ZXDC: variants seen among roughly 807,000 people sequenced by gnomAD.
ZXDC encodes the protein zinc finger protein ZXDC.
In ZXDC, 58 loss-of-function variants were observed where a neutral mutation model predicts 63.6. The observed-to-expected ratio is 0.91, with a 90% CI of 0.74 to 1.13. ZXDC has a LOEUF of 1.13. Among genes scored for constraint, ZXDC ranks in the 50% most tolerant of loss-of-function variants. The probability of loss-of-function intolerance (pLI) is 0.00; values close to 1 mark genes in which losing one functional copy is unlikely to be tolerated. For missense variants in ZXDC, 1,133 were observed against 1,148.9 expected (o/e 0.99, Z 0.20); for synonymous variants, 561 against 496.1 (o/e 1.13, Z -1.74).
rs373990345 is a variant in ZXDC, at chr3:126,475,044, G to C, written c.822C>G (p.Ala274=). 1.3e-4 allele frequency: 201 copies of C among 1,601,098 alleles called. No individual in the cohort carries two copies. Among genetic ancestry groups the C allele is most frequent in the Non-Finnish European group, 1.7e-4 (195 of 1,174,226 alleles). The change falls in exon 1 of 10, where the codon GCC becomes GCG. Residue 274 remains alanine, a synonymous_variant. Coordinates refer to ENST00000389709, the MANE Select transcript of ZXDC (RefSeq NM_025112.5). ...QESLFKCEVC[A]ERFPTHAKLS... ...GCTTGGCGTGCGTGGGGAAGCGCTCGGCGCACACCTCGCACTTGAACAGGC... is the reference window on the plus strand; with the variant it reads ...GCTTGGCGTGCGTGGGGAAGCGCTCCGCGCACACCTCGCACTTGAACAGGC...
At chr3:126,453,851 C>T in intron 7 of ZXDC, 8 of 985,272 alleles carry the variant, frequency 8.1e-6, no homozygotes, top group Non-Finnish European at 8.4e-6. Context: ...AGGCATGAGC[C>T]ACCGCGCCCA....
At chr3:126,454,345 G>A in intron 7 of ZXDC, 2 of 985,004 alleles carry the variant, frequency 2.0e-6, no homozygotes, top group Non-Finnish European at 2.4e-6. Context: ...TCATATAAAT[G>A]TCTATAGGTC....
At chr3:126,439,526 C>A in intron 9 of ZXDC, 106 bp downstream of exon 9, 2 of 1,541,120 alleles carry the variant, frequency 1.3e-6, no homozygotes, top group Admixed American at 2.0e-5. Context: ...GCCTCCCAAG[C>A]CACGCGGCCT....
chr3:126,471,891 A>G (rs1560106093), intron 3 of ZXDC, 82 bp downstream of exon 3: 2 of 1,186,614 alleles, frequency 1.7e-6, no homozygotes, highest in South Asian at 1.5e-5. Context: ...AAATGTCTAC[A>G]GATATTTCAT....
At chr3:126,439,908 C>T (rs1020777742) in intron 8 of ZXDC, 181 bp from the exon 9 acceptor site, 1 of 1,415,006 alleles carries the variant, frequency 7.1e-7, no homozygotes, top group East Asian at 2.7e-5. Context: ...CTACCTGTTC[C>T]CACCTGGTTC....
intron 7 of ZXDC, chr3:126,454,017 C>T: frequency 1.2e-5 from 10 of 805,332 alleles, no homozygotes; most frequent in Non-Finnish European, 1.5e-5. Context: ...ATAAGCAGTA[C>T]TATATATTAT....
Position 126,439,683 on chromosome 3 carries a change from TGGGCCGC to T in ZXDC, c.2432_2438del (p.Arg811GlnfsTer60), listed in dbSNP as rs1560086849. 3 of 1,553,220 alleles carry T rather than the reference TGGGCCGC, an allele frequency of 1.9e-6. No individual in the cohort carries two copies. The highest frequency in any genetic ancestry group is 4.9e-5 in the East Asian group (2 of 41,224). ...CAGTGAGGAAGGGGAGGAAGGTGGC[TGGGCCGC>T]GGGCCGAGGGCAGGACACCTTCGCC... is the stretch of plus-strand genomic sequence containing the variant. On this transcript the variant is annotated frameshift_variant, in exon 9 of 10. Transcript: ENST00000389709. LOFTEE classifies it high-confidence loss of function.
At chr3:126,459,563 C>G in intron 7 of ZXDC, 90 bp downstream of exon 7, 1 of 1,589,120 alleles carries the variant, frequency 6.3e-7, no homozygotes, top group Admixed American at 1.7e-5. Flanking sequence ...ACCAAGAGCA[C>G]AGAAACACCT....
chr3:126,460,332 C>T (rs913103041), intron 6 of ZXDC: 4 of 522,388 alleles, frequency 7.7e-6, no homozygotes, highest in African/African-American at 2.1e-5. Context: ...TAACACTTAT[C>T]GCTATGAAGA....
At chr3:126,461,209 A>G (rs1181743397) in intron 6 of ZXDC, 2 of 1,070,296 alleles carry the variant, frequency 1.9e-6, no homozygotes, top group Non-Finnish European at 2.3e-6. Flanking sequence ...GCTGACAAGC[A>G]TAGAGGCAAA....
intron 6 of ZXDC, chr3:126,460,148 C>T: frequency 1.0e-6 from 1 of 985,322 alleles, no homozygotes; most frequent in South Asian, 4.7e-5. Context: ...GCAGGTCCCA[C>T]CTTAGAGACC....
chr3:126,475,393 G>T lies in ZXDC; in HGVS notation c.473C>A (p.Ala158Asp). 8.2e-7 allele frequency: 1 copy of T among 1,216,506 alleles called. No individual in the cohort carries two copies. The allele number at this position is 1,216,506 out of a possible 1,614,324, so 75.4% of individuals were successfully genotyped here. A position where few individuals can be genotyped will look rare whatever the true frequency, so the allele number is the denominator to read the frequency against. The part of the protein sequence containing the change: ...SAPPGPATAG[A>D]AAPRRAPQAS... The stretch of plus-strand genomic sequence containing the variant: ...CTGGGGCGCGCGGCGGGGAGCGGCG[G>T]CGCCCGCGGTTGCGGGGCCGGGCGG... The change falls in exon 1 of 10, where the codon GCC becomes GAC. Residue 158 changes from alanine (A) to aspartate (D), a missense_variant. Coordinates refer to ENST00000389709, the MANE Select transcript of ZXDC (RefSeq NM_025112.5).
rs779096997 is a variant in ZXDC, at chr3:126,466,308, A to C, written c.1288T>G (p.Ser430Ala). ...CPVEGCCARF[S>A]ARSSLYIHSK... ...TGAATGTACAGACTGCTACGAGCGG[A>C]GAACCTCGCGCAACATCCTGGAACA... is the stretch of plus-strand genomic sequence containing the variant. The change falls in exon 5 of 10, where the codon TCC (serine) becomes GCC (alanine). Residue 430 changes from serine to alanine, a missense_variant. By Grantham distance (99) the Ser-to-Ala change is moderately conservative. Coordinates refer to ENST00000389709, the MANE Select transcript of ZXDC (RefSeq NM_025112.5). The C allele has an allele frequency of 2.5e-6, 4 of 1,614,204 alleles. No homozygotes were observed. The highest frequency in any genetic ancestry group is 1.6e-4 in the Middle Eastern group (1 of 6,062).
At chr3:126,453,033 A>ACCC in intron 7 of ZXDC, 1 of 985,324 alleles carries the variant, frequency 1.0e-6, no homozygotes, top group Non-Finnish European at 1.2e-6. Context: ...TCTGAGAGAT[A>ACCC]CCCTTGTCAG....
chr3:126,474,906 C>A (rs1227354947), intron 1 of ZXDC, 53 bp downstream of exon 1: 27 of 1,514,664 alleles, frequency 1.8e-5, no homozygotes, highest in African/African-American at 5.5e-5. Flanking sequence ...ACGTGGCACC[C>A]CAGACCTGCC....
intron 7 of ZXDC, among the ~76,000 whole-genome samples, chr3:126,445,688 C>A (rs1184846310): frequency 6.6e-6 from 1 of 151,942 alleles, no homozygotes. Context: ...AGGACTGCAC[C>A]TGGAAGATGA....
rs1172315285 is a variant in ZXDC, at chr3:126,470,893, A to C, written c.1270+2T>G. On this transcript the variant is annotated splice_donor_variant, in intron 4 of 9. Coordinates refer to ENST00000389709, the MANE Select transcript of ZXDC (RefSeq NM_025112.5). LOFTEE classifies it high-confidence loss of function. ...TGCTCAAAGCAATGTTTTAAAATCT[A>C]CCTTCCACAGGACACTCGAACGGCT... is the stretch of plus-strand genomic sequence containing the variant. 5 of 1,614,070 alleles carry C rather than the reference A, an allele frequency of 3.1e-6. No individual in the cohort carries two copies. The highest frequency in any genetic ancestry group is 4.2e-6 in the Non-Finnish European group (5 of 1,179,944).
chr3:126,463,172 C>T (rs1227503495), intron 5 of ZXDC, among the ~76,000 whole-genome samples: 2 of 152,052 alleles, frequency 1.3e-5, no homozygotes, highest in African/African-American at 4.8e-5. Context: ...GGGTTCACCC[C>T]GTTCTCTTGC....
chr3:126,475,537 T>C lies in ZXDC; in HGVS notation c.329A>G (p.Gln110Arg), dbSNP rs2107664722. Residue 110 changes from glutamine to arginine, a missense_variant, in exon 1 of 10, where the codon CAG (glutamine) becomes CGG (arginine). Physicochemically the swap from Gln to Arg is conservative, Grantham distance 43. Coordinates refer to ENST00000389709, the MANE Select transcript of ZXDC (RefSeq NM_025112.5). ...SRVNLASRPE[Q>R]GPSGPAAPPG... Reference sequence around the variant, plus strand: ...GGGGGCGGCCGGGCCGCTGGGGCCCTGCTCGGGGCGGCTCGCCAGGTTGAC... The same window carrying C: ...GGGGGCGGCCGGGCCGCTGGGGCCCCGCTCGGGGCGGCTCGCCAGGTTGAC... The C allele has an allele frequency of 3.0e-6, 4 of 1,318,544 alleles. No individual in the cohort carries two copies. The highest frequency in any genetic ancestry group is 3.9e-6 in the Non-Finnish European group (4 of 1,035,986). The allele number at this position is 1,318,544 out of a possible 1,614,324, so 81.7% of individuals were successfully genotyped here.
Sources: allele counts gnomAD v4.1 joint callset (sites outside exome capture counted in the v4.1 genomes callset), GRCh38; gene constraint gnomAD v4.1.1; transcripts MANE v1.5; gene names NCBI Gene and HGNC (gene_info 2026-07-23, HGNC 2026-07-21).